CSMD2: variants seen among roughly 807,000 people sequenced by gnomAD.
CSMD2 encodes CUB and sushi domain-containing protein 2.
In CSMD2, 130 loss-of-function variants were observed where a neutral mutation model predicts 398.5. The observed-to-expected ratio is 0.33, with a 90% confidence interval of 0.28 to 0.38. CSMD2 has a LOEUF of 0.38. CSMD2 is among the 10% of genes least tolerant of loss of function. The pLI is 1.00. For synonymous variants in CSMD2, 1,828 were observed against 1,908.5 expected (o/e 0.96, Z 1.10); for missense variants, 3,829 against 4,764.9 (o/e 0.80, Z 5.78).
At chr1:33,767,289 G>A (rs573841378) in intron 13 of CSMD2, among the ~76,000 whole-genome samples, 3 of 152,256 alleles carry the variant, frequency 2.0e-5, no homozygotes, top group Admixed American at 1.3e-4. Flanking sequence ...AAGACTGGTC[G>A]AATTTGAAAT....
intron 1 of CSMD2, among the ~76,000 whole-genome samples, chr1:34,125,507 C>CTCTG (rs1553324578): frequency 2.1e-5 from 3 of 141,110 alleles, no homozygotes; most frequent in African/African-American, 8.0e-5. Flanking sequence ...TCAACCTTGG[C>CTCTG]TGTGTGTGTG....
At chr1:34,082,432 G>A (rs1463731618) in intron 2 of CSMD2, among the ~76,000 whole-genome samples, 1 of 150,828 alleles carries the variant, frequency 6.6e-6, no homozygotes, top group Non-Finnish European at 1.5e-5. Flanking sequence ...GCCCCCGCCT[G>A]GCAGCCGCCC....
chr1:34,111,892 C>T (rs942526957), intron 1 of CSMD2, among the ~76,000 whole-genome samples: 1 of 152,180 alleles, frequency 6.6e-6, no homozygotes, highest in Admixed American at 6.5e-5. Flanking sequence ...GACTCCATTA[C>T]AGCCCTGTCT....
At chr1:33,900,690 G>A (rs546194249) in intron 5 of CSMD2, among the ~76,000 whole-genome samples, 44 of 151,810 alleles carry the variant, frequency 2.9e-4, no homozygotes, top group South Asian at 1.5e-3. Flanking sequence ...AAGGTGAGGA[G>A]AATTGCTTGA....
intron 5 of CSMD2, among the ~76,000 whole-genome samples, chr1:33,858,556 A>G (rs1639261990): frequency 6.6e-6 from 1 of 152,190 alleles, no homozygotes; most frequent in Non-Finnish European, 1.5e-5. Context: ...GAGATGATGT[A>G]CCCAAAGTAT....
chr1:33,538,781 T>C (rs1271408047), intron 60 of CSMD2, among the ~76,000 whole-genome samples: 1 of 152,172 alleles, frequency 6.6e-6, no homozygotes, highest in Admixed American at 6.5e-5. Context: ...CTGGTAAATA[T>C]TTAAAAATAC....
intron 3 of CSMD2, among the ~76,000 whole-genome samples, chr1:33,990,145 G>A (rs370080375): frequency 6.6e-6 from 1 of 151,888 alleles, no homozygotes; most frequent in African/African-American, 2.4e-5. Context: ...GGTGGCCTGC[G>A]CCTGTAATCT....
rs138422978 is a variant in CSMD2 at position 33,755,453 on chromosome 1, G to A, written c.1847-11847C>T. ...TTATCCTTATCATAAACAAGATTAA[G>A]TTAACTTTAGGCTCCTTTCTTTCTA... On this transcript the variant is annotated intron_variant, in intron 13 of 70. Coordinates refer to ENST00000373381, the MANE Select transcript of CSMD2 (RefSeq NM_001281956.2). 4.3e-4 allele frequency among the ~76,000 whole-genome samples: 66 copies of A among 152,276 alleles called. 2 individuals are homozygous for A. The East Asian group carries it at 0.012, about 28-fold the overall frequency.
intron 24 of CSMD2, among the ~76,000 whole-genome samples, chr1:33,697,126 A>T (rs78542194): frequency 6.6e-6 from 1 of 152,320 alleles, no homozygotes; most frequent in East Asian, 1.9e-4. Context: ...GGCATATTTG[A>T]TATTCAAAGT....
chr1:33,697,321 G>A (rs1321281184), intron 24 of CSMD2, among the ~76,000 whole-genome samples: 1 of 152,192 alleles, frequency 6.6e-6, no homozygotes, highest in Non-Finnish European at 1.5e-5. Flanking sequence ...GCCTAGCATA[G>A]TTCCTGGCAC....
chr1:33,709,442 T>A (rs549425454), intron 21 of CSMD2, 184 bp from the exon 22 acceptor site: 192 of 566,764 alleles, frequency 3.4e-4, no homozygotes, highest in African/African-American at 2.8e-3. Context: ...AAAAAAAAAA[T>A]ACTTCCCTAC....
intron 3 of CSMD2, among the ~76,000 whole-genome samples, chr1:33,958,719 A>G (rs986810287): frequency 2.7e-4 from 41 of 152,188 alleles, no homozygotes; most frequent in African/African-American, 8.7e-4. Context: ...AGAGGCCCTC[A>G]GGTCTCTGAT....
intron 2 of CSMD2, among the ~76,000 whole-genome samples, chr1:34,055,427 C>A (rs1653718587): frequency 6.6e-6 from 1 of 152,066 alleles, no homozygotes; most frequent in African/African-American, 2.4e-5. Flanking sequence ...AGACTGCCTC[C>A]CACCGCAGAT....
At chr1:33,785,875 A>G (rs950413108) in intron 12 of CSMD2, among the ~76,000 whole-genome samples, 56 of 152,316 alleles carry the variant, frequency 3.7e-4, no homozygotes, top group Admixed American at 2.0e-3. Flanking sequence ...AGCCCTTCAG[A>G]TATCTGGACA....
intron 3 of CSMD2, among the ~76,000 whole-genome samples, chr1:33,956,919 T>G (rs1275470719): frequency 6.6e-6 from 1 of 152,070 alleles, no homozygotes; most frequent in African/African-American, 2.4e-5. Context: ...GTCCTGGACC[T>G]GCAGAGTCTC....
At chr1:34,159,126 C>A (rs962572526) in intron 1 of CSMD2, among the ~76,000 whole-genome samples, 1 of 152,080 alleles carries the variant, frequency 6.6e-6, no homozygotes, top group African/African-American at 2.4e-5. Flanking sequence ...TACTGAGTGT[C>A]CACTATGTGC....
intron 4 of CSMD2, among the ~76,000 whole-genome samples, chr1:33,924,100 G>C (rs554133564): frequency 7.2e-5 from 11 of 151,880 alleles, no homozygotes; most frequent in Non-Finnish European, 1.2e-4. Flanking sequence ...TTAACTCCTC[G>C]TATGAGTGTT....
chr1:34,061,447 T>C (rs1298282948), intron 2 of CSMD2, among the ~76,000 whole-genome samples: 2 of 152,158 alleles, frequency 1.3e-5, no homozygotes, highest in African/African-American at 4.8e-5. Flanking sequence ...ACCATGCCCC[T>C]GGCTCCTCTC....
intron 1 of CSMD2, among the ~76,000 whole-genome samples, chr1:34,092,598 C>T (rs1000258729): frequency 1.3e-5 from 2 of 151,668 alleles, no homozygotes; most frequent in East Asian, 1.9e-4. Context: ...TCACTCGGGA[C>T]GTGCAAGGGG....
Sources: gnomAD v4.1 joint callset for allele counts (sites outside exome capture counted in the v4.1 genomes callset) on GRCh38, gnomAD v4.1.1 for gene constraint, MANE v1.5 for transcripts, NCBI Gene and HGNC (gene_info 2026-07-23, HGNC 2026-07-21) for gene names.